MPDZ: variants seen among roughly 807,000 people sequenced by gnomAD.
The protein encoded by MPDZ is multiple PDZ domain crumbs cell polarity complex component, also known as multiple PDZ domain protein.
In MPDZ, 234 loss-of-function variants were observed where a neutral mutation model predicts 239.1. That is an observed-to-expected ratio of 0.98 (90% CI 0.88 to 1.09). MPDZ has a LOEUF of 1.09. Among genes scored for constraint, MPDZ ranks in the 50% least tolerant of loss-of-function variants. MPDZ has a pLI of 0.00. For missense variants in MPDZ, 3,175 were observed against 2,510.0 expected, an observed-to-expected ratio of 1.26 and a Z score of -5.66; for synonymous variants, 1,048 against 881.3, an observed-to-expected ratio of 1.19 and a Z score of -3.35.
chr9:13,242,778 C>T (rs1965735254), intron 3 of MPDZ, among the ~76,000 whole-genome samples: 1 of 152,174 alleles, frequency 6.6e-6, no homozygotes, highest in Non-Finnish European at 1.5e-5. Flanking sequence ...ACCAGGGTTT[C>T]TCAACCTCAG....
intron 41 of MPDZ, among the ~76,000 whole-genome samples, chr9:13,113,534 G>A (rs952305519): frequency 3.3e-5 from 5 of 152,070 alleles, no homozygotes; most frequent in Non-Finnish European, 7.4e-5. Context: ...ATGATTTCAC[G>A]TAATTAAAAC....
chr9:13,227,376 AT>A (rs1199885038), intron 3 of MPDZ, among the ~76,000 whole-genome samples: 7 of 150,026 alleles, frequency 4.7e-5, no homozygotes, highest in East Asian at 2.0e-4. Flanking sequence ...GCCAAGATTG[AT>A]TTTTTTTTTA....
intron 1 of MPDZ, among the ~76,000 whole-genome samples, chr9:13,275,081 C>T (rs188591794): frequency 6.6e-6 from 1 of 152,292 alleles, no homozygotes. Flanking sequence ...CATCAAATTA[C>T]CCCAGTAATG....
intron 3 of MPDZ, among the ~76,000 whole-genome samples, chr9:13,235,341 C>T (rs1033430883): frequency 1.3e-5 from 2 of 152,078 alleles, no homozygotes; most frequent in African/African-American, 4.8e-5. Context: ...ATAGAACAAG[C>T]ACAATTTTAC....
At chr9:13,173,636 C>T (rs967402528) in intron 21 of MPDZ, among the ~76,000 whole-genome samples, 3 of 150,810 alleles carry the variant, frequency 2.0e-5, no homozygotes, top group South Asian at 2.1e-4. Context: ...ACTCAGGAGA[C>T]GGAAGTTGCA....
chr9:13,136,530 G>A (rs1946842308), intron 30 of MPDZ, among the ~76,000 whole-genome samples, 182 bp downstream of exon 30: 1 of 151,446 alleles, frequency 6.6e-6, no homozygotes, highest in Non-Finnish European at 1.5e-5. Flanking sequence ...ATTTCACCAT[G>A]TAAGCCAGGA....
At chr9:13,156,620 T>G (rs1456690739) in intron 24 of MPDZ, among the ~76,000 whole-genome samples, 3 of 152,108 alleles carry the variant, frequency 2.0e-5, no homozygotes. Context: ...CCACAACATG[T>G]GGGAATTATG....
At chr9:13,152,213 A>G (rs1298933075) in intron 24 of MPDZ, among the ~76,000 whole-genome samples, 1 of 152,138 alleles carries the variant, frequency 6.6e-6, no homozygotes, top group Non-Finnish European at 1.5e-5. Context: ...CTGGTCACTA[A>G]CAGTCAAGAC....
intron 13 of MPDZ, among the ~76,000 whole-genome samples, chr9:13,194,760 G>C (rs1193467936): frequency 1.3e-5 from 2 of 151,938 alleles, no homozygotes; most frequent in East Asian, 3.9e-4. Flanking sequence ...CAACAAAATG[G>C]CTAGTCAAAG....
At chr9:13,126,155 C>T (rs1446151795) in intron 34 of MPDZ, among the ~76,000 whole-genome samples, 1 of 152,118 alleles carries the variant, frequency 6.6e-6, no homozygotes, top group African/African-American at 2.4e-5. Context: ...TTGAGTCTTA[C>T]AATCTGTTTA....
chr9:13,237,441 C>CAAAAAAAAA (rs71331532), intron 3 of MPDZ, among the ~76,000 whole-genome samples: 1 of 54,692 alleles, frequency 1.8e-5, no homozygotes, highest in Non-Finnish European at 3.5e-5. Context: ...GACACTGTCT[C>CAAAAAAAAA]AAAAAAAAAA....
intron 3 of MPDZ, among the ~76,000 whole-genome samples, chr9:13,234,166 G>C (rs959946135): frequency 1.3e-5 from 2 of 152,038 alleles, no homozygotes; most frequent in African/African-American, 4.8e-5. Context: ...GAGATTTCAA[G>C]ATTATAAATT....
At chr9:13,260,554 T>C (rs1218847204) in intron 1 of MPDZ, among the ~76,000 whole-genome samples, 1 of 152,202 alleles carries the variant, frequency 6.6e-6, no homozygotes, top group Non-Finnish European at 1.5e-5. Context: ...AAAATTCCTA[T>C]GTTGAAGCCC....
intron 3 of MPDZ, among the ~76,000 whole-genome samples, chr9:13,231,829 G>T (rs1452511460): frequency 6.6e-6 from 1 of 151,848 alleles, no homozygotes; most frequent in African/African-American, 2.4e-5. Flanking sequence ...AACATAAATA[G>T]AAAAATACTA....
Position 13,183,571 on chromosome 9 carries a change from A to G in MPDZ, c.2496T>C (p.Asp832=). 1 of 1,612,376 alleles carries G rather than the reference A, an allele frequency of 6.2e-7. No individual in the cohort carries two copies. Among genetic ancestry groups the G allele is most frequent in the Non-Finnish European group, 8.5e-7 (1 of 1,178,944 alleles). ...ATGTGGATTCATCTACTAAGTCAGCATCATTTGTGCCCACCTAGAAACAAA... is the reference window on the plus strand; with the variant it reads ...ATGTGGATTCATCTACTAAGTCAGCGTCATTTGTGCCCACCTAGAAACAAA... ...RADLALVGTN[D]ADLVDESTFE... Residue 832 remains aspartate, a synonymous_variant, in exon 19 of 47, where the codon GAT becomes GAC. Transcript: ENST00000319217.
intron 22 of MPDZ, among the ~76,000 whole-genome samples, chr9:13,163,616 C>G (rs1306986020): frequency 1.3e-5 from 2 of 152,044 alleles, no homozygotes; most frequent in African/African-American, 2.4e-5. Flanking sequence ...TAAACTGTTT[C>G]AAGATCTTCA....
chr9:13,137,832 T>A, intron 29 of MPDZ, 125 bp downstream of exon 29: 1 of 975,002 alleles, frequency 1.0e-6, no homozygotes, highest in Non-Finnish European at 1.5e-6. Flanking sequence ...CTGCAATGCA[T>A]CTATTTTATT....
intron 1 of MPDZ, among the ~76,000 whole-genome samples, chr9:13,263,475 C>A (rs1971154076): frequency 1.3e-5 from 2 of 151,220 alleles, no homozygotes; most frequent in Admixed American, 1.3e-4. Context: ...TTGGTAAATT[C>A]TCCCAGAACA....
chr9:13,235,232 G>A (rs543806810), intron 3 of MPDZ, among the ~76,000 whole-genome samples: 1 of 152,158 alleles, frequency 6.6e-6, no homozygotes, highest in African/African-American at 2.4e-5. Context: ...AGCTTAATGT[G>A]ACGAAACTAT....
Sources: gnomAD v4.1 joint callset for allele counts (sites outside exome capture counted in the v4.1 genomes callset) on GRCh38, gnomAD v4.1.1 for gene constraint, MANE v1.5 for transcripts, NCBI Gene and HGNC (gene_info 2026-07-23, HGNC 2026-07-21) for gene names.